BRCA2: variants seen among roughly 807,000 people sequenced by gnomAD.
The protein encoded by BRCA2 is breast cancer type 2 susceptibility protein.
A neutral mutation model predicts 276.7 loss-of-function variants in BRCA2; 203 were observed. The observed-to-expected ratio is 0.73, with a 90% CI of 0.65 to 0.82. BRCA2 has a LOEUF of 0.82. Ranked by LOEUF, BRCA2 falls within the 40% of genes least tolerant of loss-of-function variation. The probability of loss-of-function intolerance (pLI) is 0.00; values close to 1 mark genes in which losing one functional copy is unlikely to be tolerated. For missense variants in BRCA2, 3,920 were observed against 3,915.0 expected, an observed-to-expected ratio of 1.00 and a Z score of -0.03; for synonymous variants, 1,289 against 1,338.4, an observed-to-expected ratio of 0.96 and a Z score of 0.81.
At chr13:32,383,047 A>T (rs923548945) in intron 24 of BRCA2, among the ~76,000 whole-genome samples, 1 of 141,484 alleles carries the variant, frequency 7.1e-6, no homozygotes, top group Non-Finnish European at 1.6e-5. Flanking sequence ...AGGGCACAAA[A>T]TCATCAGCTG....
rs1555283324 is a variant in BRCA2 at position 32,337,991 on chromosome 13, T to C, written c.3636T>C (p.Asn1212=). ...KSASGYLTDE[N]EVGFRGFYSA... Reference sequence around the variant, plus strand: ...CTTCTGGTTATTTAACAGATGAAAATGAAGTGGGGTTTAGGGGCTTTTATT... The same window carrying C: ...CTTCTGGTTATTTAACAGATGAAAACGAAGTGGGGTTTAGGGGCTTTTATT... The change falls in exon 11 of 27, where the codon AAT becomes AAC. Residue 1212 remains asparagine (N), a synonymous_variant. Coordinates refer to ENST00000380152, the MANE Select transcript of BRCA2 (RefSeq NM_000059.4). 6.2e-7 allele frequency: 1 copy of C among 1,613,424 alleles called. No homozygotes were observed. The highest frequency in any genetic ancestry group is 1.3e-5 in the African/African-American group (1 of 74,982).
chr13:32,380,534 CTTTTT>C (rs11451886), intron 24 of BRCA2, among the ~76,000 whole-genome samples: 3 of 101,730 alleles, frequency 2.9e-5, no homozygotes, highest in African/African-American at 1.1e-4. Context: ...CAGAGTCAAG[CTTTTT>C]TTTTTTTTTT....
chr13:32,341,187 A>G lies in BRCA2; in HGVS notation c.6832A>G (p.Ile2278Val), dbSNP rs772645059. ...TGGAAAAAGAAGAGGAGAGCCCCTT[A>G]TCTTAGTGGGTAAGTGTTCATTTTT... Reference protein sequence around the residue: ...RIGKRRGEPLILVGEPSIKRN... With the variant: ...RIGKRRGEPLVLVGEPSIKRN... Residue 2278 changes from isoleucine (I) to valine (V), a missense_variant, in exon 11 of 27, where the codon ATC (isoleucine) becomes GTC (valine). Ile to Val is a conservative substitution (Grantham distance 29). Coordinates refer to ENST00000380152, the MANE Select transcript of BRCA2 (RefSeq NM_000059.4). The G allele has an allele frequency of 2.5e-6, 4 of 1,613,938 alleles. No individual in the cohort carries two copies. Among genetic ancestry groups the G allele is most frequent in the South Asian group, 1.1e-5 (1 of 91,058 alleles).
intron 24 of BRCA2, among the ~76,000 whole-genome samples, chr13:32,389,264 T>C (rs886650391): frequency 3.3e-5 from 5 of 152,236 alleles, no homozygotes; most frequent in Non-Finnish European, 4.4e-5. Flanking sequence ...TTTTCTTGGA[T>C]ATCATAGTAT....
chr13:32,356,758 C>T, intron 15 of BRCA2, 149 bp downstream of exon 15: 2 of 1,024,468 alleles, frequency 2.0e-6, no homozygotes, highest in Non-Finnish European at 2.9e-6. Flanking sequence ...AATTAGCCTG[C>T]AGTGGCAGCC....
Position 32,357,721 on chromosome 13 carries a change from G to T in BRCA2, c.7618-21G>T, listed in dbSNP as rs376957350. The T allele has an allele frequency of 1.6e-4, 255 of 1,600,760 alleles. 3 individuals are homozygous for T. The South Asian group carries it at 2.7e-3, about 17-fold the overall frequency. ...TTACTTTAAATTGTTTTTCTTTTTT[G>T]TGTGTGTTTATTTTGTGTAGCTGTA... On this transcript the variant is annotated intron_variant, in intron 15 of 26. Coordinates refer to ENST00000380152, the MANE Select transcript of BRCA2 (RefSeq NM_000059.4).
Position 32,375,563 on chromosome 13 carries a change from C to CTTTT in BRCA2, c.8633-1096_8633-1093dup, listed in dbSNP as rs398022219. Reference sequence around the variant, plus strand: ...CAGCTATTCTTTATAAGACATGTTTCTTTTTTTTTTTTTTGAGATGGAGTT... The same window carrying CTTTT: ...CAGCTATTCTTTATAAGACATGTTTCTTTTTTTTTTTTTTTTTTGAGATGGAGTT... On this transcript the variant is annotated intron_variant, in intron 20 of 26. Coordinates refer to ENST00000380152, the MANE Select transcript of BRCA2 (RefSeq NM_000059.4). Among the ~76,000 whole-genome samples, 6 of 143,204 alleles carry CTTTT rather than the reference C, an allele frequency of 4.2e-5. No individual in the cohort carries two copies. In the South Asian group the frequency reaches 1.1e-3, roughly 27 times the overall value. The allele number at this position is 143,204 out of a possible 152,430, so 93.9% of individuals were successfully genotyped here.
chr13:32,319,751 A>G (rs2138707020), intron 3 of BRCA2, among the ~76,000 whole-genome samples: 1 of 152,340 alleles, frequency 6.6e-6, no homozygotes, highest in East Asian at 1.9e-4. Context: ...TTTCTAAGCA[A>G]TTATGTAATA....
intron 18 of BRCA2, among the ~76,000 whole-genome samples, chr13:32,363,790 CTG>C (rs1186327988): frequency 3.9e-5 from 6 of 152,212 alleles, no homozygotes; most frequent in Non-Finnish European, 8.8e-5. Context: ...ATTTTGGTAT[CTG>C]TAGCTTGCTG....
chr13:32,373,817 G>A (rs1362751309), intron 20 of BRCA2, among the ~76,000 whole-genome samples: 1 of 152,222 alleles, frequency 6.6e-6, no homozygotes, highest in Non-Finnish European at 1.5e-5. Context: ...GTGGGAGGTG[G>A]CTCCAACCCC....
At chr13:32,390,643 G>A (rs2072990474) in intron 24 of BRCA2, among the ~76,000 whole-genome samples, 1 of 152,114 alleles carries the variant, frequency 6.6e-6, no homozygotes, top group Non-Finnish European at 1.5e-5. Flanking sequence ...CTTACAGTCT[G>A]GGTTAGATCC....
intron 2 of BRCA2, among the ~76,000 whole-genome samples, chr13:32,318,758 T>G (rs1178798552): frequency 6.6e-6 from 1 of 152,194 alleles, no homozygotes; most frequent in Non-Finnish European, 1.5e-5. Flanking sequence ...GTGGAATGTA[T>G]TCTTAATGTG....
At chr13:32,382,441 G>C (rs1175806800) in intron 24 of BRCA2, among the ~76,000 whole-genome samples, 1 of 152,226 alleles carries the variant, frequency 6.6e-6, no homozygotes, top group African/African-American at 2.4e-5. Flanking sequence ...AGGAATACTG[G>C]AGTGAGGTAT....
intron 9 of BRCA2, 82 bp downstream of exon 9, chr13:32,331,112 T>C (rs2137462743): frequency 1.0e-6 from 1 of 978,720 alleles, no homozygotes; most frequent in Non-Finnish European, 1.6e-6. Flanking sequence ...AGTCTTGCTC[T>C]GTCACCCGTG....
rs80358545 is a variant in BRCA2 at position 32,337,342 on chromosome 13, T to G, written c.2987T>G (p.Leu996Arg). 94 of 1,613,806 alleles carry G rather than the reference T, an allele frequency of 5.8e-5. 1 individual carries two copies. Among genetic ancestry groups the G allele is most frequent in the Middle Eastern group, 3.3e-4 (2 of 6,056 alleles). ...NNDYMNKWAGLLGPISNHSFG... is the reference protein window; with the variant it reads ...NNDYMNKWAGRLGPISNHSFG... ...GATTACATGAACAAATGGGCAGGACTCTTAGGTCCAATTTCAAATCACAGT... is the reference window on the plus strand; with the variant it reads ...GATTACATGAACAAATGGGCAGGACGCTTAGGTCCAATTTCAAATCACAGT... The change falls in exon 11 of 27, where the codon CTC becomes CGC. Residue 996 changes from leucine (L) to arginine (R), a missense_variant. Around this residue, in one of 2 missense-constraint regions of BRCA2, gnomAD observed 3,263 missense variants for 3,156.9 expected, o/e 1.03. Coordinates refer to ENST00000380152, the MANE Select transcript of BRCA2 (RefSeq NM_000059.4).
intron 16 of BRCA2, among the ~76,000 whole-genome samples, chr13:32,359,586 T>C (rs989940140): frequency 6.6e-6 from 1 of 152,220 alleles, no homozygotes; most frequent in Non-Finnish European, 1.5e-5. Context: ...TTTCCAAAAT[T>C]TATAGCTTTG....
rs886040937 is a variant in BRCA2 at position 32,346,898 on chromosome 13, T to C, written c.7007+2T>C. On this transcript the variant is annotated splice_donor_variant, in intron 13 of 26. Coordinates refer to ENST00000380152, the MANE Select transcript of BRCA2 (RefSeq NM_000059.4). LOFTEE classifies it high-confidence loss of function. Reference sequence around the variant, plus strand: ...GCCGATTACCTGTGTACCCTTTCGGTAAGACATGTTTAAATTTTTCTAAAT... The same window carrying C: ...GCCGATTACCTGTGTACCCTTTCGGCAAGACATGTTTAAATTTTTCTAAAT... The C allele has an allele frequency of 1.2e-6, 2 of 1,603,088 alleles. No homozygotes were observed. Among genetic ancestry groups the C allele is most frequent in the African/African-American group, 1.3e-5 (1 of 74,796 alleles).
intron 22 of BRCA2, 22 bp from the exon 23 acceptor site, chr13:32,379,728 T>C (rs2137621674): frequency 6.2e-7 from 1 of 1,602,744 alleles, no homozygotes; most frequent in Non-Finnish European, 8.5e-7. Flanking sequence ...CCATTGCATC[T>C]TTCTCATCTT....
intron 21 of BRCA2, among the ~76,000 whole-genome samples, chr13:32,377,772 T>TA (rs2072884202): frequency 6.6e-6 from 1 of 152,166 alleles, no homozygotes; most frequent in Non-Finnish European, 1.5e-5. Flanking sequence ...AATTCTAAGA[T>TA]TAGTTTGTTA....
Sources: allele counts gnomAD v4.1 joint callset (sites outside exome capture counted in the v4.1 genomes callset), GRCh38; gene constraint gnomAD v4.1.1; regional missense constraint gnomAD v4.1.1; transcripts MANE v1.5; gene names NCBI Gene and HGNC (gene_info 2026-07-23, HGNC 2026-07-21).